The following MLLT3 variants were observed in gnomAD, a reference collection of about 807,000 sequenced individuals.
MLLT3 encodes the protein protein AF-9.
In MLLT3, 4 loss-of-function variants were observed where a neutral mutation model predicts 53.2. That is an observed-to-expected ratio of 0.08 (90% CI 0.04 to 0.17). MLLT3 has a LOEUF of 0.17. MLLT3 is among the 10% of genes least tolerant of loss of function. The pLI is 1.00. For synonymous variants in MLLT3, 283 were observed against 230.6 expected (o/e 1.23, Z -2.06); for missense variants, 569 against 684.0 (o/e 0.83, Z 1.87).
chr9:20,579,199 C>T (rs1461718794), intron 2 of MLLT3, among the ~76,000 whole-genome samples: 1 of 152,078 alleles, frequency 6.6e-6, no homozygotes, highest in Non-Finnish European at 1.5e-5. Flanking sequence ...GAGACTACGT[C>T]TCTAAACAAA....
At chr9:20,488,078 C>A (rs1244719117) in intron 2 of MLLT3, among the ~76,000 whole-genome samples, 2 of 152,060 alleles carry the variant, frequency 1.3e-5, no homozygotes, top group Non-Finnish European at 2.9e-5. Context: ...TAAATTAAAT[C>A]TGATACCCAT....
intron 5 of MLLT3, among the ~76,000 whole-genome samples, chr9:20,385,451 T>A (rs1418150597): frequency 6.6e-6 from 1 of 152,186 alleles, no homozygotes; most frequent in Non-Finnish European, 1.5e-5. Context: ...TGGTGCTTTT[T>A]ATTTTCTTCT....
intron 10 of MLLT3, 41 bp from the exon 11 acceptor site, chr9:20,346,615 A>C (rs780004593): frequency 1.9e-6 from 3 of 1,598,374 alleles, no homozygotes; most frequent in South Asian, 2.3e-5. Flanking sequence ...AATACGCAGC[A>C]AACATCAAAA....
intron 4 of MLLT3, among the ~76,000 whole-genome samples, chr9:20,425,217 T>C (rs188310855): frequency 1.3e-5 from 2 of 152,254 alleles, no homozygotes; most frequent in East Asian, 3.9e-4. Context: ...TGGTGTCATA[T>C]TAGGTGTCAT....
At chr9:20,415,426 C>G in intron 4 of MLLT3, 1 of 954,404 alleles carries the variant, frequency 1.0e-6, no homozygotes, top group Non-Finnish European at 1.2e-6. Context: ...AAATCTAAGT[C>G]CATACTTACC....
At position 20,343,338 on chromosome 9, in the gene MLLT3, A is replaced by C. The variant is rs905543808; in HGVS notation, c.*3105T>G. ...TTAAAATGTTTAAGACACTCTCTTA[A>C]GAGATATTTTTTTCCTGATCTGAAG... On this transcript the variant is annotated 3_prime_UTR_variant, in exon 11 of 11. Coordinates refer to ENST00000380338, the MANE Select transcript of MLLT3 (RefSeq NM_004529.4). The C allele has an allele frequency of 4.8e-5, 10 of 208,422 alleles. No homozygotes were observed. The highest frequency in any genetic ancestry group is 9.8e-5 in the Non-Finnish European group (10 of 102,508). 12.9% of individuals were successfully genotyped at this position (208,422 alleles called of 1,614,324 possible).
intron 2 of MLLT3, among the ~76,000 whole-genome samples, chr9:20,512,939 G>A (rs1817795486): frequency 6.6e-6 from 1 of 152,198 alleles, no homozygotes; most frequent in South Asian, 2.1e-4. Flanking sequence ...ATACTCCACG[G>A]TATAGGACAA....
At chr9:20,562,652 C>T (rs1212865877) in intron 2 of MLLT3, among the ~76,000 whole-genome samples, 1 of 152,228 alleles carries the variant, frequency 6.6e-6, no homozygotes, top group Non-Finnish European at 1.5e-5. Flanking sequence ...TTCCCAGATA[C>T]ATGTGCAATT....
intron 7 of MLLT3, among the ~76,000 whole-genome samples, chr9:20,361,567 TACA>T (rs1821322905): frequency 6.6e-6 from 1 of 152,192 alleles, no homozygotes; most frequent in African/African-American, 2.4e-5. Flanking sequence ...GGAAATACGC[TACA>T]ACAACACAAA....
chr9:20,431,907 A>C (rs563476016), intron 4 of MLLT3, among the ~76,000 whole-genome samples: 1 of 152,306 alleles, frequency 6.6e-6, no homozygotes, highest in African/African-American at 2.4e-5. Context: ...CATAACAATA[A>C]AAAATAAGCA....
chr9:20,529,506 A>G (rs1440788305), intron 2 of MLLT3, among the ~76,000 whole-genome samples: 2 of 152,350 alleles, frequency 1.3e-5, no homozygotes, highest in South Asian at 4.1e-4. Flanking sequence ...TGTCTAGTTC[A>G]TAAAAAGGAA....
intron 2 of MLLT3, among the ~76,000 whole-genome samples, chr9:20,477,996 G>A (rs1297105586): frequency 6.6e-6 from 1 of 152,198 alleles, no homozygotes; most frequent in African/African-American, 2.4e-5. Context: ...ATTTACAGCT[G>A]CCAAAGTAAA....
intron 5 of MLLT3, among the ~76,000 whole-genome samples, chr9:20,403,514 G>A (rs964813287): frequency 6.6e-6 from 1 of 152,126 alleles, no homozygotes; most frequent in Admixed American, 6.5e-5. Context: ...GACTATGCAT[G>A]ACTTATCTTT....
intron 2 of MLLT3, among the ~76,000 whole-genome samples, chr9:20,476,685 T>C (rs1194321287): frequency 3.3e-5 from 5 of 152,132 alleles, no homozygotes; most frequent in African/African-American, 4.8e-5. Flanking sequence ...CTTCTAAGGA[T>C]TTAAAATGAA....
intron 10 of MLLT3, among the ~76,000 whole-genome samples, chr9:20,353,266 C>T (rs573543732): frequency 1.3e-5 from 2 of 152,314 alleles, no homozygotes; most frequent in East Asian, 3.9e-4. Context: ...GGGATCACTA[C>T]AATCCAGTAT....
At chr9:20,494,631 G>GT (rs1825031580) in intron 2 of MLLT3, among the ~76,000 whole-genome samples, 1 of 151,746 alleles carries the variant, frequency 6.6e-6, no homozygotes, top group Admixed American at 6.6e-5. Context: ...TTTTCAGGCT[G>GT]CCACTTTAAA....
intron 2 of MLLT3, among the ~76,000 whole-genome samples, chr9:20,520,574 C>A (rs865908003): frequency 1.3e-5 from 2 of 152,116 alleles, no homozygotes; most frequent in South Asian, 2.1e-4. Flanking sequence ...AAAAATAATA[C>A]AAGAAAATGA....
At chr9:20,599,842 G>C (rs1348905866) in intron 2 of MLLT3, among the ~76,000 whole-genome samples, 1 of 152,194 alleles carries the variant, frequency 6.6e-6, no homozygotes, top group Admixed American at 6.5e-5. Context: ...GGGCAAGTTA[G>C]TTAATCTTCA....
At chr9:20,440,605 A>G (rs769200847) in intron 4 of MLLT3, among the ~76,000 whole-genome samples, 13 of 152,204 alleles carry the variant, frequency 8.5e-5, no homozygotes, top group Non-Finnish European at 1.5e-4. Context: ...TTACCATCCT[A>G]GAAGAGAATG....
Sources: gnomAD v4.1 joint callset for allele counts (sites outside exome capture counted in the v4.1 genomes callset) on GRCh38, gnomAD v4.1.1 for gene constraint, MANE v1.5 for transcripts, NCBI Gene and HGNC (gene_info 2026-07-23, HGNC 2026-07-21) for gene names.